The following NRG3 variants were observed in gnomAD, a reference collection of about 807,000 sequenced individuals.
NRG3 encodes the protein pro-neuregulin-3, membrane-bound isoform.
Under a neutral mutation model 66.9 loss-of-function variants are expected in NRG3, and 31 were observed. That is an observed-to-expected ratio of 0.46 (90% CI 0.35 to 0.63). NRG3 has a LOEUF of 0.63. Ranked by LOEUF, NRG3 falls within the 20% of genes least tolerant of loss-of-function variation. The pLI is 0.00. For synonymous variants in NRG3, 393 were observed against 359.4 expected (o/e 1.09, Z -1.06); for missense variants, 910 against 878.9 (o/e 1.04, Z -0.45).
intron 2 of NRG3, among the ~76,000 whole-genome samples, chr10:82,378,281 C>T (rs1179872573): frequency 6.6e-6 from 1 of 152,290 alleles, no homozygotes; most frequent in African/African-American, 2.4e-5. Context: ...TGAAATACGT[C>T]TGTGGGAGAC....
At chr10:82,227,975 C>G (rs919783548) in intron 1 of NRG3, among the ~76,000 whole-genome samples, 2 of 152,240 alleles carry the variant, frequency 1.3e-5, no homozygotes, top group Middle Eastern at 3.4e-3. Context: ...CTCATCATTT[C>G]ACTTTTTAGA....
intron 2 of NRG3, among the ~76,000 whole-genome samples, chr10:82,596,101 C>T (rs953480603): frequency 2.6e-5 from 4 of 152,052 alleles, no homozygotes; most frequent in Non-Finnish European, 5.9e-5. Context: ...ATGTGGCATC[C>T]CATTTCCTAG....
chr10:82,640,367 A>G (rs746897435), intron 2 of NRG3, among the ~76,000 whole-genome samples: 6 of 152,216 alleles, frequency 3.9e-5, no homozygotes, highest in Non-Finnish European at 8.8e-5. Flanking sequence ...ACTTGGGATT[A>G]CTAAAGCATA....
chr10:82,375,599 C>T (rs2085177540), intron 2 of NRG3, among the ~76,000 whole-genome samples: 1 of 151,644 alleles, frequency 6.6e-6, no homozygotes, highest in African/African-American at 2.4e-5. Context: ...GTAAACATGA[C>T]AAAACGCCAA....
intron 2 of NRG3, among the ~76,000 whole-genome samples, chr10:82,547,314 G>C (rs2043981892): frequency 6.6e-6 from 1 of 151,494 alleles, no homozygotes; most frequent in African/African-American, 2.4e-5. Context: ...TAGGTCTTCT[G>C]TATAGAAATA....
At chr10:82,503,395 G>A (rs1241014843) in intron 2 of NRG3, among the ~76,000 whole-genome samples, 2 of 152,190 alleles carry the variant, frequency 1.3e-5, no homozygotes, top group African/African-American at 4.8e-5. Context: ...GTAGTAGAAA[G>A]TAGGGTGTAA....
At position 82,253,972 on chromosome 10, in the gene NRG3, C is replaced by T. The variant is rs763877874; in HGVS notation, c.824-104767C>T. On this transcript the variant is annotated intron_variant, in intron 1 of 8. Transcript: ENST00000372141. ...TTGTCTGTCTCTGAAAAACAGCTCC[C>T]GTTCATTACCCAGCTTTCACTATTT... 5.9e-5 allele frequency among the ~76,000 whole-genome samples: 9 copies of T among 152,276 alleles called. 1 individual carries two copies. Among genetic ancestry groups the T allele is most frequent in the Non-Finnish European group, 1.2e-4 (8 of 68,022 alleles).
chr10:82,850,535 A>G (rs116800857), intron 3 of NRG3, among the ~76,000 whole-genome samples: 2,375 of 152,316 alleles, frequency 0.016, 66 homozygotes, highest in African/African-American at 0.054. Context: ...CAAAAATTCA[A>G]ACTGAATTGA....
rs1288396107 is a variant in NRG3 at position 82,930,552 on chromosome 10, T to C, written c.1055-20917T>C. 1.3e-5 allele frequency among the ~76,000 whole-genome samples: 2 copies of C among 152,178 alleles called. 1 individual carries two copies. The highest frequency in any genetic ancestry group is 3.9e-4 in the East Asian group (2 of 5,194). The stretch of plus-strand genomic sequence containing the variant: ...CCAAGATACTTGATTGTGTATATTG[T>C]CTGGATGTTCAGGAACACATGGTCT... On this transcript the variant is annotated intron_variant, in intron 4 of 8. Coordinates refer to ENST00000372141, the MANE Select transcript of NRG3 (RefSeq NM_001010848.4).
rs182491516 is a variant in NRG3 at position 82,603,384 on chromosome 10, T to G, written c.954-135193T>G. Among the ~76,000 whole-genome samples, 6 of 152,340 alleles carry G rather than the reference T, an allele frequency of 3.9e-5. No individual in the cohort carries two copies. The East Asian group carries it at 1.2e-3, about 29-fold the overall frequency. On this transcript the variant is annotated intron_variant, in intron 2 of 8. Coordinates refer to ENST00000372141, the MANE Select transcript of NRG3 (RefSeq NM_001010848.4). ...TGCTTCTGTACATGTCCTAGAAAGATACTCCTCATTTGTATAGTCACAAAG... is the reference window on the plus strand; with the variant it reads ...TGCTTCTGTACATGTCCTAGAAAGAGACTCCTCATTTGTATAGTCACAAAG...
chr10:82,787,528 A>G (rs777429038), intron 3 of NRG3, among the ~76,000 whole-genome samples: 4 of 152,332 alleles, frequency 2.6e-5, no homozygotes, highest in Middle Eastern at 6.8e-3. Flanking sequence ...TTCAGGCAGT[A>G]GAAAGGTATT....
intron 1 of NRG3, among the ~76,000 whole-genome samples, chr10:82,078,597 G>A (rs577808103): frequency 5.3e-5 from 8 of 152,230 alleles, no homozygotes; most frequent in African/African-American, 1.4e-4. Flanking sequence ...TGATCCGACC[G>A]CCTTGGCCTC....
chr10:82,014,214 T>G (rs1296285096), intron 1 of NRG3, among the ~76,000 whole-genome samples: 1 of 152,178 alleles, frequency 6.6e-6, no homozygotes, highest in Non-Finnish European at 1.5e-5. Flanking sequence ...GGGCAGTTCC[T>G]CTGTGCTACT....
intron 2 of NRG3, among the ~76,000 whole-genome samples, chr10:82,482,192 G>A (rs1442830890): frequency 6.6e-6 from 1 of 151,934 alleles, no homozygotes; most frequent in East Asian, 1.9e-4. Flanking sequence ...AAATACTTGG[G>A]CAAATGTAAA....
At chr10:82,277,595 C>T (rs1410218573) in intron 1 of NRG3, among the ~76,000 whole-genome samples, 1 of 152,034 alleles carries the variant, frequency 6.6e-6, no homozygotes, top group Non-Finnish European at 1.5e-5. Context: ...TGGCTCTATT[C>T]ATGCCTCATT....
At chr10:82,660,665 T>A (rs920004347) in intron 2 of NRG3, among the ~76,000 whole-genome samples, 1 of 152,246 alleles carries the variant, frequency 6.6e-6, no homozygotes, top group Non-Finnish European at 1.5e-5. Flanking sequence ...CTGAGATTTC[T>A]GCTCAGGATC....
chr10:81,937,430 TTTA>T (rs910188745), intron 1 of NRG3, among the ~76,000 whole-genome samples: 2 of 152,042 alleles, frequency 1.3e-5, no homozygotes, highest in African/African-American at 2.4e-5. Flanking sequence ...CTTACCAACA[TTTA>T]TTATTATTAT....
chr10:82,246,209 A>G (rs2077236510), intron 1 of NRG3, among the ~76,000 whole-genome samples: 1 of 152,132 alleles, frequency 6.6e-6, no homozygotes, highest in Non-Finnish European at 1.5e-5. Flanking sequence ...TTTATTTTAA[A>G]AAGAAAAGAC....
intron 1 of NRG3, among the ~76,000 whole-genome samples, chr10:82,300,406 G>A (rs1414539026): frequency 2.6e-5 from 4 of 152,004 alleles, no homozygotes; most frequent in African/African-American, 9.7e-5. Context: ...TTTAAAAATT[G>A]CAATGTAAAT....
Sources: allele counts gnomAD v4.1 joint callset (sites outside exome capture counted in the v4.1 genomes callset), GRCh38; gene constraint gnomAD v4.1.1; transcripts MANE v1.5; gene names NCBI Gene and HGNC (gene_info 2026-07-23, HGNC 2026-07-21).